ELMO1: variants seen among roughly 807,000 people sequenced by gnomAD.
ELMO1 encodes the protein engulfment and cell motility 1, also known as engulfment and cell motility protein 1.
In ELMO1, 26 loss-of-function variants were observed where a neutral mutation model predicts 98.9. The ratio of observed to expected loss-of-function variants is 0.26; its 90% CI spans 0.19 to 0.36. The LOEUF (loss-of-function observed/expected upper bound fraction) is 0.36, where lower values mean the gene tolerates loss of function less well. Ranked by LOEUF, ELMO1 falls within the 10% of genes least tolerant of loss-of-function variation. The probability of loss-of-function intolerance (pLI) is 1.00; values close to 1 mark genes in which losing one functional copy is unlikely to be tolerated. For synonymous variants in ELMO1, 346 were observed against 346.0 expected, an observed-to-expected ratio of 1.00 and a Z score of 0.00; for missense variants, 627 against 935.2, an observed-to-expected ratio of 0.67 and a Z score of 4.30.
intron 14 of ELMO1, among the ~76,000 whole-genome samples, chr7:37,103,365 T>C (rs73690295): frequency 0.067 from 10,152 of 152,172 alleles, 382 homozygotes; most frequent in Middle Eastern, 0.13. Context: ...CAAGTTCTTT[T>C]AGCATCTCTT....
At chr7:37,257,029 T>C (rs1182893331) in intron 6 of ELMO1, among the ~76,000 whole-genome samples, 6 of 152,206 alleles carry the variant, frequency 3.9e-5, no homozygotes, top group African/African-American at 1.4e-4. Flanking sequence ...ATGCTTTAAA[T>C]TGTATGCTCT....
intron 15 of ELMO1, among the ~76,000 whole-genome samples, chr7:37,095,854 C>G (rs969123995): frequency 1.3e-5 from 2 of 152,120 alleles, no homozygotes; most frequent in Non-Finnish European, 2.9e-5. Context: ...TTTTCTGGTG[C>G]TCATGTTATT....
intron 16 of ELMO1, among the ~76,000 whole-genome samples, chr7:36,928,509 C>G (rs1205407622): frequency 2.0e-5 from 3 of 152,160 alleles, no homozygotes; most frequent in Non-Finnish European, 4.4e-5. Flanking sequence ...GTATATTACA[C>G]CATCGTTTTT....
At chr7:37,033,859 G>A (rs1795021679) in intron 15 of ELMO1, among the ~76,000 whole-genome samples, 1 of 152,084 alleles carries the variant, frequency 6.6e-6, no homozygotes, top group Non-Finnish European at 1.5e-5. Context: ...AATCTTCAGG[G>A]GTGCGGAATA....
chr7:36,869,965 A>T (rs1429998363), intron 20 of ELMO1, among the ~76,000 whole-genome samples: 1 of 152,208 alleles, frequency 6.6e-6, no homozygotes, highest in Non-Finnish European at 1.5e-5. Flanking sequence ...CTTCGCTGAG[A>T]TCCCGGGGAG....
intron 1 of ELMO1, among the ~76,000 whole-genome samples, chr7:37,412,150 A>T (rs1218483333): frequency 6.6e-6 from 1 of 152,272 alleles, no homozygotes; most frequent in African/African-American, 2.4e-5. Flanking sequence ...TAATTCTTAC[A>T]ATTATATTTT....
intron 2 of ELMO1, among the ~76,000 whole-genome samples, chr7:37,336,052 C>T (rs1313212505): frequency 6.6e-6 from 1 of 151,934 alleles, no homozygotes; most frequent in Non-Finnish European, 1.5e-5. Flanking sequence ...CATGGCAAAA[C>T]CCCATCACTA....
intron 15 of ELMO1, among the ~76,000 whole-genome samples, chr7:37,064,527 C>A (rs1051575314): frequency 6.6e-6 from 1 of 152,208 alleles, no homozygotes; most frequent in Admixed American, 6.5e-5. Context: ...CACAAGGACA[C>A]TACCTGCCTC....
chr7:37,171,442 A>G (rs1309324654), intron 13 of ELMO1, among the ~76,000 whole-genome samples: 1 of 150,792 alleles, frequency 6.6e-6, no homozygotes, highest in Admixed American at 6.6e-5. Context: ...GCTATTAGCT[A>G]AAAATTATCC....
chr7:36,989,326 T>C (rs1231758971), intron 16 of ELMO1, among the ~76,000 whole-genome samples: 2 of 152,202 alleles, frequency 1.3e-5, no homozygotes, highest in Non-Finnish European at 2.9e-5. Flanking sequence ...CTCTAGATTC[T>C]TTAAGTGTGA....
At chr7:37,350,582 A>G (rs905225622) in intron 1 of ELMO1, among the ~76,000 whole-genome samples, 1 of 152,230 alleles carries the variant, frequency 6.6e-6, no homozygotes, top group African/African-American at 2.4e-5. Flanking sequence ...ACTAAATCTT[A>G]ACTAGTTTAA....
chr7:36,943,923 A>T (rs1215296986), intron 16 of ELMO1, among the ~76,000 whole-genome samples: 2 of 152,226 alleles, frequency 1.3e-5, no homozygotes, highest in African/African-American at 4.8e-5. Context: ...CCTTTAGGAA[A>T]ATCACAACAA....
At chr7:37,194,752 G>A (rs114243636) in intron 13 of ELMO1, among the ~76,000 whole-genome samples, 113 of 152,166 alleles carry the variant, frequency 7.4e-4, no homozygotes, top group African/African-American at 2.5e-3. Flanking sequence ...CATCTTCAGC[G>A]TCCTCTCCAC....
intron 1 of ELMO1, among the ~76,000 whole-genome samples, chr7:37,393,387 T>C (rs1366119540): frequency 1.3e-5 from 2 of 152,168 alleles, no homozygotes; most frequent in Non-Finnish European, 2.9e-5. Context: ...CTCGTTCAAA[T>C]TTCACCAAAT....
chr7:36,969,648 G>A, intron 16 of ELMO1, among the ~76,000 whole-genome samples: 1 of 152,126 alleles, frequency 6.6e-6, no homozygotes, highest in Non-Finnish European at 1.5e-5. Flanking sequence ...GGTAGGAGGT[G>A]TGTGTGCTGT....
chr7:37,370,065 A>G (rs1289471385), intron 1 of ELMO1, among the ~76,000 whole-genome samples: 1 of 152,242 alleles, frequency 6.6e-6, no homozygotes, highest in Non-Finnish European at 1.5e-5. Context: ...ACCAGAGAAG[A>G]GACTAGAAGT....
intron 13 of ELMO1, among the ~76,000 whole-genome samples, chr7:37,154,202 G>A (rs1788568861): frequency 6.6e-6 from 1 of 152,200 alleles, no homozygotes; most frequent in Non-Finnish European, 1.5e-5. Context: ...CCACAAAGAT[G>A]GGGAGAAACC....
At chr7:36,951,592 G>A (rs898473004) in intron 16 of ELMO1, among the ~76,000 whole-genome samples, 3 of 152,150 alleles carry the variant, frequency 2.0e-5, no homozygotes, top group African/African-American at 7.2e-5. Flanking sequence ...AAGTGGGTCT[G>A]GGATAGGGTC....
chr7:37,170,851 C>G (rs1355803783), intron 13 of ELMO1, among the ~76,000 whole-genome samples: 1 of 152,128 alleles, frequency 6.6e-6, no homozygotes, highest in Non-Finnish European at 1.5e-5. Context: ...AAGTGATCTA[C>G]CCACCTTGGC....
Sources: allele counts gnomAD v4.1 joint callset (sites outside exome capture counted in the v4.1 genomes callset), GRCh38; gene constraint gnomAD v4.1.1; transcripts MANE v1.5; gene names NCBI Gene and HGNC (gene_info 2026-07-23, HGNC 2026-07-21).